C16orf74: variants seen among roughly 807,000 people sequenced by gnomAD.
C16orf74 encodes calcimembrin.
Under a neutral mutation model 6.5 loss-of-function variants are expected in C16orf74, and 10 were observed. The ratio of observed to expected loss-of-function variants is 1.54; its 90% CI spans 0.95 to 2.61. C16orf74 has a LOEUF of 2.61. Ranked by LOEUF, C16orf74 falls within the 30% of genes most tolerant of loss-of-function variation. The pLI is 0.00. For missense variants in C16orf74, 141 were observed against 105.9 expected, an observed-to-expected ratio of 1.33 and a Z score of -1.45; for synonymous variants, 60 against 42.5, an observed-to-expected ratio of 1.41 and a Z score of -1.60.
intron 1 of C16orf74, among the ~76,000 whole-genome samples, chr16:85,746,949 G>C (rs778163809): frequency 2.7e-4 from 41 of 152,190 alleles, no homozygotes; most frequent in Admixed American, 2.6e-4. Context: ...CTGGTCTTCA[G>C]CTTAGCCACG....
At chr16:85,732,571 C>A (rs531605718) in intron 2 of C16orf74, among the ~76,000 whole-genome samples, 1 of 140,366 alleles carries the variant, frequency 7.1e-6, no homozygotes, top group African/African-American at 2.6e-5. Flanking sequence ...GAGGCTGAGG[C>A]AGGAGAATTG....
intron 1 of C16orf74, among the ~76,000 whole-genome samples, chr16:85,750,175 C>A (rs116979869): frequency 0.019 from 2,899 of 152,292 alleles, 59 homozygotes; most frequent in Admixed American, 0.042. Context: ...CTTTGCCTCG[C>A]AGCCTTCCCT....
intron 2 of C16orf74, among the ~76,000 whole-genome samples, chr16:85,712,463 A>T (rs558857265): frequency 6.6e-6 from 1 of 152,328 alleles, no homozygotes; most frequent in African/African-American, 2.4e-5. Flanking sequence ...GGCTGTGGGG[A>T]AATCACAGGA....
At chr16:85,722,562 C>G (rs768767337) in intron 2 of C16orf74, among the ~76,000 whole-genome samples, 2 of 152,220 alleles carry the variant, frequency 1.3e-5, no homozygotes, top group Non-Finnish European at 2.9e-5. Flanking sequence ...GTGAGCTCTC[C>G]GGGGAGTCCT....
chr16:85,725,074 G>T (rs1030261566), intron 2 of C16orf74, among the ~76,000 whole-genome samples: 1 of 151,110 alleles, frequency 6.6e-6, no homozygotes, highest in East Asian at 1.9e-4. Flanking sequence ...ATGGGGGGGG[G>T]ACCGGCTAAG....
chr16:85,748,457 G>A (rs1301452654), intron 1 of C16orf74, among the ~76,000 whole-genome samples: 2 of 151,994 alleles, frequency 1.3e-5, no homozygotes, highest in Non-Finnish European at 2.9e-5. Context: ...AATTAGCCGG[G>A]CATGGTGGCA....
chr16:85,713,830 T>G (rs1013547117), intron 2 of C16orf74, among the ~76,000 whole-genome samples: 5 of 151,914 alleles, frequency 3.3e-5, no homozygotes, highest in Non-Finnish European at 5.9e-5. Context: ...TCAGGAGGAG[T>G]TGGTGCTGTC....
intron 1 of C16orf74, among the ~76,000 whole-genome samples, chr16:85,744,896 C>A (rs898403016): frequency 1.3e-5 from 2 of 149,686 alleles, no homozygotes; most frequent in Non-Finnish European, 1.5e-5. Context: ...AATACCATCA[C>A]TTTGGGAGGC....
chr16:85,717,721 A>C (rs1465438226), intron 2 of C16orf74, among the ~76,000 whole-genome samples: 2 of 152,202 alleles, frequency 1.3e-5, no homozygotes, highest in Non-Finnish European at 2.9e-5. Context: ...GGAGAACACT[A>C]GGATCACGCC....
At chr16:85,743,644 C>G (rs749900757) in intron 1 of C16orf74, 1 of 152,186 alleles carries the variant, frequency 6.6e-6, no homozygotes, top group African/African-American at 2.4e-5. Flanking sequence ...TAAGGCCGGA[C>G]GCAGTGGCTC....
At chr16:85,709,511 T>TTATTATTAG (rs1428074025) in intron 3 of C16orf74, among the ~76,000 whole-genome samples, 1 of 150,548 alleles carries the variant, frequency 6.6e-6, no homozygotes, top group African/African-American at 2.4e-5. Context: ...ATTATTATTA[T>TTATTATTAG]TATTATTATT....
chr16:85,709,273 G>T (rs1318225858), intron 3 of C16orf74, among the ~76,000 whole-genome samples: 1 of 152,186 alleles, frequency 6.6e-6, no homozygotes, highest in Non-Finnish European at 1.5e-5. Context: ...ACAATCACTT[G>T]AATGAAGGAG....
intron 1 of C16orf74, among the ~76,000 whole-genome samples, chr16:85,744,644 C>T (rs1045385647): frequency 6.6e-6 from 1 of 151,848 alleles, no homozygotes; most frequent in East Asian, 1.9e-4. Flanking sequence ...TCCTGGCTAA[C>T]ACGGTGAAAC....
chr16:85,738,881 C>G (rs1465260397), intron 1 of C16orf74, among the ~76,000 whole-genome samples: 1 of 152,092 alleles, frequency 6.6e-6, no homozygotes, highest in East Asian at 1.9e-4. Flanking sequence ...CGTTCCTGTC[C>G]CCATCTCACA....
rs1389582466 is a variant in C16orf74 at position 85,710,146 on chromosome 16, T to C, written c.172+18A>G. ...CCCCACAGCCGACCCGGCTTGGCGG[T>C]GGAGGGGACGGCCTCACCTGTGCTC... On this transcript the variant is annotated intron_variant, in intron 3 of 3. Transcript: ENST00000284245. 8 of 1,403,926 alleles carry C rather than the reference T, an allele frequency of 5.7e-6. No homozygotes were observed. The highest frequency in any genetic ancestry group is 5.5e-6 in the Non-Finnish European group (6 of 1,082,590). 87.0% of individuals were successfully genotyped at this position (1,403,926 alleles called of 1,614,324 possible). A position where few individuals can be genotyped will look rare whatever the true frequency, so the allele number is the denominator to read the frequency against.
intron 2 of C16orf74, among the ~76,000 whole-genome samples, chr16:85,727,069 C>T (rs930995251): frequency 2.0e-5 from 3 of 152,274 alleles, no homozygotes; most frequent in African/African-American, 7.2e-5. Context: ...GCCAGGACCA[C>T]ACTGCCTTGT....
chr16:85,735,744 C>T (rs1180159246), intron 1 of C16orf74, among the ~76,000 whole-genome samples: 6 of 67,864 alleles, frequency 8.8e-5, no homozygotes, highest in Admixed American at 3.6e-4. Flanking sequence ...CTATAGAGGA[C>T]GTGTGGCCCC....
At chr16:85,718,608 G>A (rs1371259513) in intron 2 of C16orf74, among the ~76,000 whole-genome samples, 1 of 152,198 alleles carries the variant, frequency 6.6e-6, no homozygotes, top group Non-Finnish European at 1.5e-5. Flanking sequence ...CAGTGCCCAG[G>A]TCCGGGTGGG....
intron 1 of C16orf74, among the ~76,000 whole-genome samples, chr16:85,735,754 C>CT (rs921938487): frequency 3.3e-5 from 5 of 151,854 alleles, no homozygotes; most frequent in African/African-American, 1.2e-4. Flanking sequence ...CGTGTGGCCC[C>CT]CCCAGCCCAC....
Sources: gnomAD v4.1 joint callset for allele counts (sites outside exome capture counted in the v4.1 genomes callset) on GRCh38, gnomAD v4.1.1 for gene constraint, MANE v1.5 for transcripts, NCBI Gene and HGNC (gene_info 2026-07-23, HGNC 2026-07-21) for gene names.